The following RSPH6A variants were observed in gnomAD, a reference collection of about 807,000 sequenced individuals.
The protein encoded by RSPH6A is radial spoke head 6 homolog A.
Under a neutral mutation model 66.1 loss-of-function variants are expected in RSPH6A, and 49 were observed. That is an observed-to-expected ratio of 0.74 (90% CI 0.59 to 0.94). RSPH6A has a LOEUF of 0.94. RSPH6A is among the 40% of genes least tolerant of loss of function. The pLI is 0.00. For synonymous variants in RSPH6A, 419 were observed against 402.4 expected (o/e 1.04, Z -0.49); for missense variants, 977 against 948.3 (o/e 1.03, Z -0.40).
chr19:45,814,628 T>C lies in RSPH6A; in HGVS notation c.549A>G (p.Pro183=), dbSNP rs1225420313. 5 of 1,602,428 alleles carry C rather than the reference T, an allele frequency of 3.1e-6. No homozygotes were observed. The highest frequency in any genetic ancestry group is 1.1e-5 in the South Asian group (1 of 89,232). Residue 183 remains proline (P), a synonymous_variant, in exon 1 of 6, where the codon CCA becomes CCG. Coordinates refer to ENST00000221538, the MANE Select transcript of RSPH6A (RefSeq NM_030785.4). ...LQFLPSELGF[P]HYSAQVPEPE... ...GCTCAGGCACCTGGGCACTGTAGTG[T>C]GGGAAGCCCAGCTCAGAGGGCAAGA...
rs933926405 is a variant in RSPH6A at position 45,808,164 on chromosome 19, C to T, written c.888+2439G>A. Among the ~76,000 whole-genome samples the T allele has an allele frequency of 9.9e-5, 15 of 152,238 alleles. No homozygotes were observed. In the East Asian group the frequency reaches 1.3e-3, roughly 14 times the overall value. ...AGATGTGGGCGGGCGCCATGGCTCA[C>T]GCCTGTAATCCCAGCACTTTGGGAG... On this transcript the variant is annotated intron_variant, in intron 2 of 5. Transcript: ENST00000221538.
chr19:45,809,942 G>A (rs1307955173), intron 2 of RSPH6A, among the ~76,000 whole-genome samples: 1 of 152,236 alleles, frequency 6.6e-6, no homozygotes, highest in East Asian at 1.9e-4. Flanking sequence ...CATTTTTTAT[G>A]AGTCATTTCC....
At chr19:45,813,734 T>C (rs945953435) in intron 1 of RSPH6A, among the ~76,000 whole-genome samples, 2 of 152,196 alleles carry the variant, frequency 1.3e-5, no homozygotes, top group Non-Finnish European at 2.9e-5. Context: ...ACTTTTTCTG[T>C]TTCTTGTCCA....
rs1446794251 is a variant in RSPH6A, at chr19:45,806,323, CAGAA to C, written c.889-1311_889-1308del. On this transcript the variant is annotated intron_variant, in intron 2 of 5. Coordinates refer to ENST00000221538, the MANE Select transcript of RSPH6A (RefSeq NM_030785.4). ...AGGAAGAAGGAAAGAAAGAGAAAGA[CAGAA>C]AGACAGAGGCTCAGAAAGGGACTGA... is the stretch of plus-strand genomic sequence containing the variant. Among the ~76,000 whole-genome samples, 3 of 151,886 alleles carry C rather than the reference CAGAA, an allele frequency of 2.0e-5. No individual in the cohort carries two copies. The East Asian group carries it at 5.8e-4, about 29-fold the overall frequency.
chr19:45,802,243 G>A lies in RSPH6A; in HGVS notation c.1675C>T (p.Pro559Ser). The A allele has an allele frequency of 1.3e-6, 2 of 1,491,072 alleles. No homozygotes were observed. Among genetic ancestry groups the A allele is most frequent in the Non-Finnish European group, 1.8e-6 (2 of 1,110,140 alleles). 92.4% of individuals were successfully genotyped at this position (1,491,072 alleles called of 1,614,324 possible). Residue 559 changes from proline to serine, a missense_variant, in exon 4 of 6, where the codon CCT (proline) becomes TCT (serine). Coordinates refer to ENST00000221538, the MANE Select transcript of RSPH6A (RefSeq NM_030785.4). ...LPQGRCTWVN[P>S]LQKTEEEEDL... ...TCCTCCTCCTCTGTCTTCTGCAAAG[G>A]GTTCACCCAAGTGCAGCGGCCCTGG... is the stretch of plus-strand genomic sequence containing the variant.
At chr19:45,801,923 C>T (rs1168263203) in intron 4 of RSPH6A, among the ~76,000 whole-genome samples, 197 bp downstream of exon 4, 1 of 152,212 alleles carries the variant, frequency 6.6e-6, no homozygotes, top group Non-Finnish European at 1.5e-5. Context: ...AAGGTTTAGG[C>T]CATTGCCACG....
Position 45,814,537 on chromosome 19 carries a change from C to T in RSPH6A, c.640G>A (p.Asp214Asn). 2 of 1,496,986 alleles carry T rather than the reference C, an allele frequency of 1.3e-6. No individual in the cohort carries two copies. The highest frequency in any genetic ancestry group is 1.8e-6 in the Non-Finnish European group (2 of 1,123,192). The allele number at this position is 1,496,986 out of a possible 1,614,324, so 92.7% of individuals were successfully genotyped here. A position where few individuals can be genotyped will look rare whatever the true frequency, so the allele number is the denominator to read the frequency against. Residue 214 changes from aspartate (D) to asparagine (N), a missense_variant, in exon 1 of 6, where the codon GAC (aspartate) becomes AAC (asparagine). Coordinates refer to ENST00000221538, the MANE Select transcript of RSPH6A (RefSeq NM_030785.4). ...CTAGCCCCTGCTCACAGGCTGAGGT[C>T]GCAATTGATGCTGGTCTGCAGCAGG... Reference protein sequence around the residue: ...AYLLQTSINCDLSLYEHLVNL... With the variant: ...AYLLQTSINCNLSLYEHLVNL...
chr19:45,807,209 A>G (rs1164329345), intron 2 of RSPH6A, among the ~76,000 whole-genome samples: 1 of 146,586 alleles, frequency 6.8e-6, no homozygotes, highest in Non-Finnish European at 1.5e-5. Flanking sequence ...ATTATTTTTT[A>G]AAAATTATTA....
rs770757580 is a variant in RSPH6A, at chr19:45,804,708, G to C, written c.1197C>G (p.Ala399=). The part of the protein sequence containing the change: ...EEEGEEDEEK[A]VDIVPKSVWK... ...ATACGGACTTAGGGACGATGTCCAC[G>C]GCCTTCTCCTCGTCCTCCTCGCCCT... is the stretch of plus-strand genomic sequence containing the variant. Residue 399 remains alanine (A), a synonymous_variant, in exon 3 of 6, where the codon GCC becomes GCG. Transcript: ENST00000221538. The surrounding 1 kb of genome is among the most constrained non-coding windows in gnomAD (Gnocchi z 5.8). 1 of 1,612,590 alleles carries C rather than the reference G, an allele frequency of 6.2e-7. No homozygotes were observed. Among genetic ancestry groups the C allele is most frequent in the South Asian group, 1.1e-5 (1 of 91,058 alleles).
At chr19:45,811,227 C>T (rs1453605558) in intron 1 of RSPH6A, among the ~76,000 whole-genome samples, 1 of 151,752 alleles carries the variant, frequency 6.6e-6, no homozygotes, top group South Asian at 2.1e-4. Flanking sequence ...CTCCTGACCT[C>T]GTGATCTGCC....
At chr19:45,810,956 G>A (rs914559093) in intron 1 of RSPH6A, 116 bp from the exon 2 acceptor site, 54 of 677,254 alleles carry the variant, frequency 8.0e-5, no homozygotes, top group Admixed American at 3.8e-4. Flanking sequence ...GAACTGAAAA[G>A]GTCCCTGCCC....
intron 5 of RSPH6A, among the ~76,000 whole-genome samples, chr19:45,798,590 G>A (rs1428263655): frequency 1.4e-5 from 2 of 147,176 alleles, no homozygotes; most frequent in East Asian, 2.0e-4. Context: ...TGTAATCCCA[G>A]CCCTTTGGGA....
At chr19:45,800,809 T>G (rs1970465099) in intron 4 of RSPH6A, among the ~76,000 whole-genome samples, 1 of 131,178 alleles carries the variant, frequency 7.6e-6, no homozygotes, top group Admixed American at 7.5e-5. Flanking sequence ...TTTTTTTTTT[T>G]TTGGAGACAG....
rs1396328664 is a variant in RSPH6A at position 45,810,664 on chromosome 19, TTC to T, written c.825_826del (p.Lys276GlyfsTer11). The T allele has an allele frequency of 9.9e-6, 16 of 1,613,982 alleles. No individual in the cohort carries two copies. Among genetic ancestry groups the T allele is most frequent in the Non-Finnish European group, 1.3e-5 (15 of 1,180,012 alleles). On this transcript the variant is annotated frameshift_variant, in exon 2 of 6. Coordinates refer to ENST00000221538, the MANE Select transcript of RSPH6A (RefSeq NM_030785.4). LOFTEE classifies it high-confidence loss of function. ...GCCTCCACTCCGGGTGAACAGCGCC[TTC>T]TGTTTCTCCGCCATCTTGTAGGTGG...
chr19:45,814,567 C>A lies in RSPH6A; in HGVS notation c.610G>T (p.Ala204Ser). Residue 204 changes from alanine (A) to serine (S), a missense_variant, in exon 1 of 6, where the codon GCC (alanine) becomes TCC (serine). Physicochemically the swap from Ala to Ser is moderately conservative, Grantham distance 99. Transcript: ENST00000221538. ...TTGATGCTGGTCTGCAGCAGGTAGG[C>A]CTTGGCGTTCTGCACGGCCAGCTCC... is the stretch of plus-strand genomic sequence containing the variant. ...PLELAVQNAK[A>S]YLLQTSINCD... The A allele has an allele frequency of 6.5e-7, 1 of 1,537,464 alleles. No homozygotes were observed.
intron 5 of RSPH6A, among the ~76,000 whole-genome samples, chr19:45,799,669 C>G (rs1158291758): frequency 6.6e-6 from 1 of 152,090 alleles, no homozygotes; most frequent in Non-Finnish European, 1.5e-5. Flanking sequence ...TGAGCCAGTG[C>G]ACCTGGCCCA....
Sources: allele counts gnomAD v4.1 joint callset (sites outside exome capture counted in the v4.1 genomes callset), GRCh38; gene constraint gnomAD v4.1.1; non-coding constraint Gnocchi (gnomAD v3.1); transcripts MANE v1.5; gene names NCBI Gene and HGNC (gene_info 2026-07-23, HGNC 2026-07-21).